RBFOX1: variants seen among roughly 807,000 people sequenced by gnomAD.
The protein encoded by RBFOX1 is RNA binding protein fox-1 homolog 1.
In RBFOX1, 8 loss-of-function variants were observed where a neutral mutation model predicts 57.7. The observed-to-expected ratio is 0.14, with a 90% confidence interval of 0.08 to 0.25. The LOEUF is 0.25. RBFOX1 is among the 10% of genes least tolerant of loss of function. RBFOX1 has a pLI of 1.00. For synonymous variants in RBFOX1, 326 were observed against 222.4 expected (o/e 1.47, Z -4.15); for missense variants, 611 against 548.5 (o/e 1.11, Z -1.14).
intron 4 of RBFOX1, among the ~76,000 whole-genome samples, chr16:7,234,929 C>T (rs576030516): frequency 3.9e-5 from 6 of 152,112 alleles, no homozygotes; most frequent in Admixed American, 1.3e-4. Context: ...CAGAGACTTA[C>T]TGTAGACTTG....
intron 3 of RBFOX1, among the ~76,000 whole-genome samples, chr16:6,839,909 A>C (rs943066109): frequency 6.6e-6 from 1 of 152,166 alleles, no homozygotes; most frequent in Non-Finnish European, 1.5e-5. Context: ...CTTAACTTTC[A>C]ATTGCATTAT....
At chr16:6,249,077 C>T (rs1351025671) in intron 1 of RBFOX1, among the ~76,000 whole-genome samples, 2 of 152,012 alleles carry the variant, frequency 1.3e-5, no homozygotes, top group Non-Finnish European at 2.9e-5. Context: ...TGTGAAGGGC[C>T]CTCAGTTGGG....
intron 4 of RBFOX1, among the ~76,000 whole-genome samples, chr16:5,950,268 C>G (rs907870266): frequency 1.3e-5 from 2 of 152,210 alleles, no homozygotes; most frequent in Admixed American, 1.3e-4. Flanking sequence ...CTGTGGGTGT[C>G]TGTGCACCTG....
chr16:6,845,840 G>A (rs1362027290), intron 3 of RBFOX1, among the ~76,000 whole-genome samples: 1 of 152,102 alleles, frequency 6.6e-6, no homozygotes, highest in Non-Finnish European at 1.5e-5. Flanking sequence ...CCCCTCTTGG[G>A]ATAATCTCAG....
At chr16:7,615,399 C>T (rs538728339) in intron 10 of RBFOX1, among the ~76,000 whole-genome samples, 1 of 152,026 alleles carries the variant, frequency 6.6e-6, no homozygotes, top group Non-Finnish European at 1.5e-5. Flanking sequence ...CTGCCACATG[C>T]CAGAGTTCAT....
At chr16:6,841,230 T>A (rs1165186462) in intron 3 of RBFOX1, among the ~76,000 whole-genome samples, 1 of 152,180 alleles carries the variant, frequency 6.6e-6, no homozygotes, top group African/African-American at 2.4e-5. Flanking sequence ...ATAATAATGG[T>A]CAGTTATCCT....
intron 3 of RBFOX1, among the ~76,000 whole-genome samples, chr16:5,672,847 C>T (rs1335459871): frequency 2.4e-5 from 3 of 123,312 alleles, no homozygotes; most frequent in African/African-American, 6.1e-5. Context: ...AGAAATCCTT[C>T]ACCGTAGGTG....
At chr16:7,710,337 T>A in intron 15 of RBFOX1, 2 of 1,250,348 alleles carry the variant, frequency 1.6e-6, no homozygotes, top group African/African-American at 1.6e-5. Flanking sequence ...TATAAAAAAA[T>A]GAGACAGTGA....
At chr16:6,228,265 G>A (rs1598570544) in intron 1 of RBFOX1, among the ~76,000 whole-genome samples, 1 of 152,222 alleles carries the variant, frequency 6.6e-6, no homozygotes, top group Non-Finnish European at 1.5e-5. Flanking sequence ...AGAGGTTGCG[G>A]TGAGCTGAGA....
intron 14 of RBFOX1, among the ~76,000 whole-genome samples, chr16:7,692,716 T>C (rs1287031457): frequency 6.6e-6 from 1 of 152,136 alleles, no homozygotes; most frequent in Non-Finnish European, 1.5e-5. Flanking sequence ...AAAAGTAAAA[T>C]AGCATTTTCT....
chr16:6,690,715 C>G (rs1208428042), intron 3 of RBFOX1, among the ~76,000 whole-genome samples: 1 of 150,852 alleles, frequency 6.6e-6, no homozygotes, highest in Non-Finnish European at 1.5e-5. Flanking sequence ...ATATTTCTAA[C>G]TCCAGGATAT....
At chr16:6,806,027 A>G (rs898965342) in intron 3 of RBFOX1, among the ~76,000 whole-genome samples, 7 of 152,292 alleles carry the variant, frequency 4.6e-5, no homozygotes, top group African/African-American at 1.4e-4. Flanking sequence ...TACTCAAAAT[A>G]TTTGCTAGTT....
intron 2 of RBFOX1, among the ~76,000 whole-genome samples, chr16:6,399,561 G>A (rs1275875097): frequency 6.6e-6 from 1 of 151,870 alleles, no homozygotes; most frequent in Non-Finnish European, 1.5e-5. Context: ...CATTCAACAA[G>A]TCTCTAGGAA....
rs140254437 is a variant in RBFOX1 at position 5,693,210 on chromosome 16, C to A, written c.318+94249C>A. Among the ~76,000 whole-genome samples the A allele has an allele frequency of 3.4e-3, 524 of 152,196 alleles. 4 individuals are homozygous for A. The highest frequency in any genetic ancestry group is 4.7e-3 in the Non-Finnish European group (320 of 68,004). Reference sequence around the variant, plus strand: ...ACATCTCTTCTCTCCTGCCCATGGGCCCTTTAACCCTCTCCTGACCTAACT... The same window carrying A: ...ACATCTCTTCTCTCCTGCCCATGGGACCTTTAACCCTCTCCTGACCTAACT... On this transcript the variant is annotated intron_variant, in intron 3 of 19. Coordinates refer to the RBFOX1 transcript ENST00000641259.
intron 2 of RBFOX1, among the ~76,000 whole-genome samples, chr16:5,572,440 T>A (rs972715264): frequency 1.3e-5 from 2 of 152,176 alleles, no homozygotes; most frequent in Non-Finnish European, 1.5e-5. Context: ...TTTGGGTCAC[T>A]TTGTTGTGGG....
intron 1 of RBFOX1, among the ~76,000 whole-genome samples, chr16:6,141,372 C>G (rs1357100681): frequency 1.3e-5 from 2 of 152,172 alleles, no homozygotes; most frequent in Non-Finnish European, 2.9e-5. Context: ...ATAACCCTGA[C>G]TGCTCTCTTA....
chr16:5,961,940 A>G (rs553854820), intron 4 of RBFOX1, among the ~76,000 whole-genome samples: 1 of 152,336 alleles, frequency 6.6e-6, no homozygotes, highest in South Asian at 2.1e-4. Flanking sequence ...AATGTAAAAA[A>G]GATCCAGAAA....
chr16:5,972,323 AAG>A (rs1314542588), intron 4 of RBFOX1, among the ~76,000 whole-genome samples: 1 of 152,240 alleles, frequency 6.6e-6, no homozygotes, highest in African/African-American at 2.4e-5. Context: ...CACATGGAAA[AAG>A]AATTCCGGAA....
At chr16:6,996,064 C>A (rs138434640) in intron 3 of RBFOX1, among the ~76,000 whole-genome samples, 1 of 152,180 alleles carries the variant, frequency 6.6e-6, no homozygotes, top group African/African-American at 2.4e-5. Flanking sequence ...GGCCATGGGG[C>A]GTCTTGAAGA....
Sources: gnomAD v4.1 joint callset for allele counts (sites outside exome capture counted in the v4.1 genomes callset) on GRCh38, gnomAD v4.1.1 for gene constraint, MANE v1.5 for transcripts, NCBI Gene and HGNC (gene_info 2026-07-23, HGNC 2026-07-21) for gene names.